The following ARHGAP21 variants were observed in gnomAD, a reference collection of about 807,000 sequenced individuals.
The protein encoded by ARHGAP21 is Rho GTPase activating protein 21.
In ARHGAP21, 38 loss-of-function variants were observed where a neutral mutation model predicts 164.6. That is an observed-to-expected ratio of 0.23 (90% CI 0.18 to 0.30). ARHGAP21 has a LOEUF of 0.30. ARHGAP21 is among the 10% of genes least tolerant of loss of function. The probability of loss-of-function intolerance (pLI) is 1.00; values close to 1 mark genes in which losing one functional copy is unlikely to be tolerated. For missense variants in ARHGAP21, 1,822 were observed against 2,370.7 expected (o/e 0.77, Z 4.81); for synonymous variants, 766 against 857.9 (o/e 0.89, Z 1.87).
chr10:24,602,153 A>C (rs749090246), intron 12 of ARHGAP21, 50 bp from the exon 13 acceptor site: 1 of 1,566,774 alleles, frequency 6.4e-7, no homozygotes, highest in Non-Finnish European at 8.6e-7. Context: ...TTCCTTTATA[A>C]ATATTTGCAC....
chr10:24,628,421 G>C (rs1835351553), intron 7 of ARHGAP21, among the ~76,000 whole-genome samples: 1 of 110,552 alleles, frequency 9.0e-6, no homozygotes, highest in Admixed American at 8.9e-5. Flanking sequence ...CGGCTTTAGT[G>C]ATTTTTTTTT....
At chr10:24,663,196 A>T (rs1839877876) in intron 4 of ARHGAP21, among the ~76,000 whole-genome samples, 1 of 151,788 alleles carries the variant, frequency 6.6e-6, no homozygotes, top group Non-Finnish European at 1.5e-5. Flanking sequence ...TATTATATTG[A>T]CTCTATATTT....
chr10:24,646,446 T>C (rs938029952), intron 4 of ARHGAP21, among the ~76,000 whole-genome samples: 5 of 152,124 alleles, frequency 3.3e-5, no homozygotes, highest in African/African-American at 1.2e-4. Context: ...AAGACCAGCC[T>C]AGGCAACATG....
At position 24,597,554 on chromosome 10, in the gene ARHGAP21, C is replaced by T. The variant is rs372140665; in HGVS notation, c.3227G>A (p.Arg1076His). 4.3e-6 allele frequency: 7 copies of T among 1,613,966 alleles called. No individual in the cohort carries two copies. The highest frequency in any genetic ancestry group is 5.1e-6 in the Non-Finnish European group (6 of 1,179,944). The change falls in exon 16 of 26, where the codon CGC becomes CAC. Residue 1076 changes from arginine (R) to histidine (H), a missense_variant. Physicochemically the swap from Arg to His is conservative, Grantham distance 29. This residue lies in a region of ARHGAP21 where 1,090 missense variants were observed against 1,378.9 expected (regional missense o/e 0.79). Coordinates refer to ENST00000396432, the MANE Select transcript of ARHGAP21 (RefSeq NM_020824.4). Reference protein sequence around the residue: ...SKAEQLPKTPRQSLSIRQTLL... With the variant: ...SKAEQLPKTPHQSLSIRQTLL... ...AGTTTGCCTGATGCTGAGACTCTGG[C>T]GAGGTGTTTTTGGCAACTGTTCTGC...
At chr10:24,635,153 A>C (rs565680745) in intron 4 of ARHGAP21, 50 bp from the exon 5 acceptor site, 8 of 1,138,496 alleles carry the variant, frequency 7.0e-6, no homozygotes, top group Non-Finnish European at 1.0e-5. Context: ...TACTTTACTA[A>C]AATACCTAAA....
chr10:24,671,250 T>C (rs979181071), intron 2 of ARHGAP21, among the ~76,000 whole-genome samples: 6 of 152,116 alleles, frequency 3.9e-5, no homozygotes, highest in African/African-American at 1.4e-4. Flanking sequence ...CTTATGCAGG[T>C]GAACGTGGGT....
intron 4 of ARHGAP21, among the ~76,000 whole-genome samples, chr10:24,659,023 A>T (rs1328049496): frequency 2.0e-5 from 3 of 152,190 alleles, no homozygotes; most frequent in African/African-American, 7.2e-5. Context: ...TATAATACAA[A>T]AATGGAAAAC....
intron 4 of ARHGAP21, among the ~76,000 whole-genome samples, chr10:24,645,669 G>A (rs1837497234): frequency 6.6e-6 from 1 of 151,980 alleles, no homozygotes; most frequent in Admixed American, 6.6e-5. Flanking sequence ...AAAGGTACAT[G>A]AAATTGTTGT....
intron 2 of ARHGAP21, among the ~76,000 whole-genome samples, chr10:24,677,443 G>C (rs1002420403): frequency 2.6e-5 from 4 of 152,124 alleles, no homozygotes; most frequent in Non-Finnish European, 2.9e-5. Context: ...TAAGAAACTG[G>C]ATCTTGGATG....
chr10:24,627,971 G>A (rs762979310), intron 7 of ARHGAP21, among the ~76,000 whole-genome samples: 17 of 152,288 alleles, frequency 1.1e-4, no homozygotes, highest in South Asian at 1.0e-3. Flanking sequence ...ACTGAAGATC[G>A]GAAAACAGTT....
intron 4 of ARHGAP21, among the ~76,000 whole-genome samples, chr10:24,635,674 G>A (rs928658609): frequency 6.6e-6 from 1 of 152,142 alleles, no homozygotes; most frequent in Non-Finnish European, 1.5e-5. Flanking sequence ...AGCCTCCTGA[G>A]TAGCTGGGAC....
At chr10:24,630,919 CT>C (rs1835791097) in intron 6 of ARHGAP21, among the ~76,000 whole-genome samples, 1 of 152,170 alleles carries the variant, frequency 6.6e-6, no homozygotes, top group African/African-American at 2.4e-5. Context: ...CAACTATTTG[CT>C]TTTTTCCCTA....
chr10:24,635,672 G>A (rs1429454422), intron 4 of ARHGAP21, among the ~76,000 whole-genome samples: 1 of 152,064 alleles, frequency 6.6e-6, no homozygotes. Flanking sequence ...TCAGCCTCCT[G>A]AGTAGCTGGG....
Position 24,602,981 on chromosome 10 carries a change from T to TG in ARHGAP21, c.2722-879dup, listed in dbSNP as rs536666705. Among the ~76,000 whole-genome samples the TG allele has an allele frequency of 5.0e-3, 759 of 152,246 alleles. 5 individuals are homozygous for TG. Among genetic ancestry groups the TG allele is most frequent in the Non-Finnish European group, 4.4e-3 (301 of 68,028 alleles). The stretch of plus-strand genomic sequence containing the variant: ...GGGAAAACTAAGGGATAAGGAAGTC[T>TG]GGGGGTAACTGCGGTCTAATCATCA... On this transcript the variant is annotated intron_variant, in intron 12 of 25. Transcript: ENST00000396432.
At chr10:24,631,620 A>C (rs1261957118) in intron 6 of ARHGAP21, among the ~76,000 whole-genome samples, 1 of 152,238 alleles carries the variant, frequency 6.6e-6, no homozygotes, top group East Asian at 1.9e-4. Flanking sequence ...GGTTCAAATA[A>C]ATTTAACTAG....
chr10:24,591,700 G>GT lies in ARHGAP21; in HGVS notation c.4003-18dup. On this transcript the variant is annotated splice_polypyrimidine_tract_variant and intron_variant, in intron 22 of 25. Coordinates refer to ENST00000396432, the MANE Select transcript of ARHGAP21 (RefSeq NM_020824.4). ...CCAGTCATGCTAAAATTTAAAAAAG[G>GT]TGAGAAGAGAAATTAAACAAGCCTT... 6.2e-7 allele frequency: 1 copy of GT among 1,613,716 alleles called. No individual in the cohort carries two copies. The highest frequency in any genetic ancestry group is 8.5e-7 in the Non-Finnish European group (1 of 1,179,674).
chr10:24,630,087 A>C, intron 6 of ARHGAP21, 37 bp from the exon 7 acceptor site: 1 of 1,209,898 alleles, frequency 8.3e-7, no homozygotes, highest in Non-Finnish European at 1.1e-6. Context: ...GGAGAGGTAG[A>C]AGTGTATAAA....
intron 4 of ARHGAP21, among the ~76,000 whole-genome samples, chr10:24,665,556 T>C (rs1252734582): frequency 6.6e-6 from 1 of 152,110 alleles, no homozygotes; most frequent in African/African-American, 2.4e-5. Flanking sequence ...GAGGCAAAAA[T>C]TAACCTATAC....
chr10:24,670,195 GT>G (rs1270060318), intron 3 of ARHGAP21, 22 bp downstream of exon 3: 3 of 1,504,744 alleles, frequency 2.0e-6, no homozygotes, highest in Admixed American at 2.0e-5. Flanking sequence ...TTTTTTTCAA[GT>G]TGCGGTAACT....
Sources: allele counts gnomAD v4.1 joint callset (sites outside exome capture counted in the v4.1 genomes callset), GRCh38; gene constraint gnomAD v4.1.1; regional missense constraint gnomAD v4.1.1; transcripts MANE v1.5; gene names NCBI Gene and HGNC (gene_info 2026-07-23, HGNC 2026-07-21).